Variants in PMFBP1 observed in about 807,000 individuals in gnomAD.
PMFBP1 encodes polyamine modulated factor 1 binding protein 1.
In PMFBP1, 131 loss-of-function variants were observed where a neutral mutation model predicts 137.8. The observed-to-expected ratio is 0.95, with a 90% CI of 0.82 to 1.10. The LOEUF is 1.10. Ranked by LOEUF, PMFBP1 falls within the 50% of genes least tolerant of loss-of-function variation. PMFBP1 has a pLI of 0.00. For synonymous variants in PMFBP1, 490 were observed against 450.4 expected, an observed-to-expected ratio of 1.09 and a Z score of -1.11; for missense variants, 1,199 against 1,175.4, an observed-to-expected ratio of 1.02 and a Z score of -0.29.
the PMFBP1 span, among the ~76,000 whole-genome samples, chr16:72,185,561 C>A: frequency 6.6e-6 from 1 of 152,106 alleles, no homozygotes; most frequent in Non-Finnish European, 1.5e-5. Context: ...TGGGTTCTTC[C>A]TCCAAGCACA....
At position 72,164,867 on chromosome 16, in the gene PMFBP1, C is replaced by T; in HGVS notation, c.62G>A (p.Ser21Asn). 6.2e-7 allele frequency: 1 copy of T among 1,609,644 alleles called. No individual in the cohort carries two copies. The highest frequency in any genetic ancestry group is 1.3e-5 in the African/African-American group (1 of 75,000). ...EVSSLNSKLL[S>N]LQLDIKNLHD... Reference sequence around the variant, plus strand: ...CAGATTCTTGATGTCAAGTTGCAGGCTTAACAGCTTGCTGTTCAGGCTGCT... The same window carrying T: ...CAGATTCTTGATGTCAAGTTGCAGGTTTAACAGCTTGCTGTTCAGGCTGCT... Residue 21 changes from serine to asparagine, a missense_variant, in exon 3 of 21, where the codon AGC becomes AAC. Coordinates refer to ENST00000237353, the MANE Select transcript of PMFBP1 (RefSeq NM_031293.3).
the PMFBP1 span, among the ~76,000 whole-genome samples, chr16:72,247,417 T>C: frequency 4.5e-4 from 68 of 152,328 alleles, no homozygotes; most frequent in African/African-American, 1.5e-3. Context: ...TCAGCTACAA[T>C]TATCACAAAG....
intron 20 of PMFBP1, 196 bp from the exon 21 acceptor site, chr16:72,119,550 G>C: frequency 6.9e-7 from 1 of 1,455,546 alleles, no homozygotes; most frequent in South Asian, 1.5e-5. Flanking sequence ...CTCTTACGGG[G>C]TTTCCAGACG....
chr16:72,212,801 T>TA, the PMFBP1 span, among the ~76,000 whole-genome samples: 3 of 151,854 alleles, frequency 2.0e-5, no homozygotes, highest in Admixed American at 2.0e-4. Flanking sequence ...CATCTGGGGT[T>TA]AAAAAAAAGA....
chr16:72,180,570 A>C (rs1289685323), upstream of PMFBP1, among the ~76,000 whole-genome samples: 2 of 152,066 alleles, frequency 1.3e-5, no homozygotes, highest in Non-Finnish European at 2.9e-5. Context: ...CAATTCATCC[A>C]CGCCCTTTCT....
At chr16:72,220,532 C>T in the PMFBP1 span, among the ~76,000 whole-genome samples, 1 of 152,040 alleles carries the variant, frequency 6.6e-6, no homozygotes, top group South Asian at 2.1e-4. Flanking sequence ...GCTTGGTTTT[C>T]CCCTATTTGA....
chr16:72,213,095 C>T, the PMFBP1 span, among the ~76,000 whole-genome samples: 1 of 150,808 alleles, frequency 6.6e-6, no homozygotes. Flanking sequence ...GACAGTAAAC[C>T]AAGAAAGGAG....
chr16:72,121,341 C>T (rs12444701), intron 19 of PMFBP1, among the ~76,000 whole-genome samples: 49,803 of 152,080 alleles, frequency 0.33, 9,404 homozygotes, highest in African/African-American at 0.52. Context: ...CCTCCTTTCC[C>T]GGCTCTCTGG....
At chr16:72,227,673 A>C in the PMFBP1 span, among the ~76,000 whole-genome samples, 2 of 152,202 alleles carry the variant, frequency 1.3e-5, no homozygotes, top group East Asian at 1.9e-4. Flanking sequence ...TGCCCTTAAG[A>C]GTCAGAGAGA....
chr16:72,187,112 C>CAA, the PMFBP1 span, among the ~76,000 whole-genome samples: 21 of 112,942 alleles, frequency 1.9e-4, no homozygotes, highest in South Asian at 5.2e-4. Flanking sequence ...GACTCCATCT[C>CAA]AAAAAAAAAA....
At chr16:72,141,357 A>G (rs4788611) in intron 5 of PMFBP1, among the ~76,000 whole-genome samples, 19,015 of 152,246 alleles carry the variant, frequency 0.12, 1,677 homozygotes, top group South Asian at 0.18. Context: ...TTAATTTCAA[A>G]TTACATAAGT....
At chr16:72,119,731 G>C in intron 20 of PMFBP1, 120 bp downstream of exon 20, 1 of 1,517,966 alleles carries the variant, frequency 6.6e-7, no homozygotes, top group Non-Finnish European at 8.8e-7. Flanking sequence ...TTGGTCCAAA[G>C]TCGCTAAGAA....
At position 72,154,395 on chromosome 16, in the gene PMFBP1, T is replaced by A. The variant is rs182585826; in HGVS notation, c.230A>T (p.Gln77Leu). 6.2e-7 allele frequency: 1 copy of A among 1,614,072 alleles called. No homozygotes were observed. The highest frequency in any genetic ancestry group is 8.5e-7 in the Non-Finnish European group (1 of 1,180,024). The change falls in exon 4 of 21, where the codon CAG becomes CTG. Residue 77 changes from glutamine to leucine, a missense_variant. Gln to Leu is a moderately radical substitution (Grantham distance 113). Coordinates refer to ENST00000237353, the MANE Select transcript of PMFBP1 (RefSeq NM_031293.3). Reference sequence around the variant, plus strand: ...TTGCTGGAGTTGTCTCAGATGACACTGTTTACTGGACCCAAATTCCACCTC... The same window carrying A: ...TTGCTGGAGTTGTCTCAGATGACACAGTTTACTGGACCCAAATTCCACCTC... ...ESEVEFGSSK[Q>L]CHLRQLQQLK...
At chr16:72,172,219 T>A (rs965111639), upstream of PMFBP1, 6 of 152,048 alleles carry the variant, frequency 3.9e-5, no homozygotes, top group African/African-American at 1.5e-4. Flanking sequence ...TTGAGTACCC[T>A]CTGAAGTCTT....
chr16:72,183,813 C>T, the PMFBP1 span, among the ~76,000 whole-genome samples: 6 of 152,182 alleles, frequency 3.9e-5, no homozygotes, highest in Non-Finnish European at 8.8e-5. Flanking sequence ...CCTCACTTCT[C>T]ATCTTCATGG....
At position 72,132,789 on chromosome 16, in the gene PMFBP1, T is replaced by C; in HGVS notation, c.1406A>G (p.Lys469Arg). The part of the protein sequence containing the change: ...KALQAEVQKL[K>R]NSLEEAKQQE... ...CTGCTTGGCCTCTTCGAGACTGTTC[T>C]TCAGCTTCTGGACCTCAGCCTGCAG... The change falls in exon 10 of 21, where the codon AAG becomes AGG. Residue 469 changes from lysine (K) to arginine (R), a missense_variant. By Grantham distance (26) the Lys-to-Arg change is conservative. Transcript: ENST00000237353. 5 of 1,614,186 alleles carry C rather than the reference T, an allele frequency of 3.1e-6. No homozygotes were observed. Among genetic ancestry groups the C allele is most frequent in the Non-Finnish European group, 4.2e-6 (5 of 1,180,030 alleles).
chr16:72,150,525 G>A (rs558286389), intron 5 of PMFBP1, 83 bp downstream of exon 5: 3 of 1,368,420 alleles, frequency 2.2e-6, no homozygotes, highest in African/African-American at 2.9e-5. Context: ...TGGGTTTCCA[G>A]TGGAGGAGGC....
the PMFBP1 span, among the ~76,000 whole-genome samples, chr16:72,245,885 T>C: frequency 3.7e-4 from 56 of 152,202 alleles, 1 homozygote; most frequent in Admixed American, 3.7e-3. Flanking sequence ...CACTCTCTAT[T>C]TCTTTGCTCC....
the PMFBP1 span, among the ~76,000 whole-genome samples, chr16:72,246,624 G>T: frequency 6.6e-6 from 1 of 151,892 alleles, no homozygotes; most frequent in Non-Finnish European, 1.5e-5. Flanking sequence ...TGGCCACAAG[G>T]TTACTTTCTC....
Sources: gnomAD v4.1 joint callset for allele counts (sites outside exome capture counted in the v4.1 genomes callset) on GRCh38, gnomAD v4.1.1 for gene constraint, MANE v1.5 for transcripts, NCBI Gene and HGNC (gene_info 2026-07-23, HGNC 2026-07-21) for gene names.